Variants in PCDHA7 observed in about 807,000 individuals in gnomAD.
PCDHA7 encodes the protein protocadherin alpha 7, also known as protocadherin alpha-7.
PCDHA7 carries 37 observed loss-of-function variants against 57.2 expected under a neutral mutation model. The observed-to-expected ratio is 0.65, with a 90% CI of 0.50 to 0.85. The LOEUF (loss-of-function observed/expected upper bound fraction) is 0.85. Among genes scored for constraint, PCDHA7 ranks in the 40% least tolerant of loss-of-function variants. The pLI is 0.00. For synonymous variants in PCDHA7, 553 were observed against 558.8 expected, an observed-to-expected ratio of 0.99 and a Z score of 0.15; for missense variants, 1,188 against 1,241.8, an observed-to-expected ratio of 0.96 and a Z score of 0.65.
At position 140,858,233 on chromosome 5, in the gene PCDHA7, G is replaced by T. The variant is rs1014024880; in HGVS notation, c.2355+21495G>T. On this transcript the variant is annotated intron_variant, in intron 1 of 3. Coordinates refer to ENST00000525929, the MANE Select transcript of PCDHA7 (RefSeq NM_018910.3). ...GTGCTCGGCGGCGCCCACCGAGGGCGCATGTGGGCCGGTGAAGCCCACGCT... is the reference window on the plus strand; with the variant it reads ...GTGCTCGGCGGCGCCCACCGAGGGCTCATGTGGGCCGGTGAAGCCCACGCT... The T allele has an allele frequency of 9.4e-6, 15 of 1,596,216 alleles. 1 individual carries two copies. Among genetic ancestry groups the T allele is most frequent in the Non-Finnish European group, 1.1e-5 (13 of 1,166,126 alleles).
Position 140,920,254 on chromosome 5 carries a change from A to G in PCDHA7, c.2356-58695A>G, listed in dbSNP as rs117923328. Reference sequence around the variant, plus strand: ...TATATACCCAACAATACATCGCTATAATAATTATTACTTTATGTAATCTTA... The same window carrying G: ...TATATACCCAACAATACATCGCTATGATAATTATTACTTTATGTAATCTTA... On this transcript the variant is annotated intron_variant, in intron 1 of 3. Transcript: ENST00000525929. Among the ~76,000 whole-genome samples the G allele has an allele frequency of 8.5e-5, 13 of 152,332 alleles. No individual in the cohort carries two copies. In the East Asian group the frequency reaches 2.5e-3, roughly 29 times the overall value.
chr5:140,857,296 G>A, intron 1 of PCDHA7: 1 of 1,598,680 alleles, frequency 6.3e-7, no homozygotes, highest in Non-Finnish European at 8.6e-7. Flanking sequence ...ACCGCGAGAG[G>A]GTGTCGGCCT....
intron 1 of PCDHA7, among the ~76,000 whole-genome samples, chr5:140,943,121 G>A (rs1225385839): frequency 3.3e-5 from 5 of 151,916 alleles, no homozygotes; most frequent in African/African-American, 4.8e-5. Flanking sequence ...AGCCAGGTGT[G>A]GTAGTGGGTG....
intron 1 of PCDHA7, chr5:140,876,221 T>C: frequency 1.2e-6 from 2 of 1,613,988 alleles, no homozygotes; most frequent in Non-Finnish European, 1.7e-6. Context: ...TATAAAGTAG[T>C]GTTGTCTGAA....
At chr5:140,877,082 C>A in intron 1 of PCDHA7, 1 of 1,613,120 alleles carries the variant, frequency 6.2e-7, no homozygotes, top group African/African-American at 1.3e-5. Flanking sequence ...CAGGTGAGCG[C>A]GCGCGACGCC....
chr5:140,869,238 G>A (rs1430399840), intron 1 of PCDHA7: 1 of 1,613,534 alleles, frequency 6.2e-7, no homozygotes, highest in African/African-American at 1.3e-5. Flanking sequence ...GCACCTTCGT[G>A]GGCCGCATCG....
intron 1 of PCDHA7, among the ~76,000 whole-genome samples, chr5:140,904,934 G>A (rs1181903303): frequency 6.6e-6 from 1 of 152,110 alleles, no homozygotes; most frequent in Non-Finnish European, 1.5e-5. Context: ...GTAGGTTCTG[G>A]ATATTAGTCC....
chr5:140,918,403 C>G (rs192008600), intron 1 of PCDHA7, among the ~76,000 whole-genome samples: 1 of 152,278 alleles, frequency 6.6e-6, no homozygotes, highest in African/African-American at 2.4e-5. Flanking sequence ...CCTGATTTCT[C>G]TGGCCAGGAC....
At chr5:140,854,919 A>G (rs1554147504) in intron 1 of PCDHA7, among the ~76,000 whole-genome samples, 1 of 150,004 alleles carries the variant, frequency 6.7e-6, no homozygotes, top group African/African-American at 2.4e-5. Context: ...GGTTGAAAGC[A>G]TTTGCCTCTG....
chr5:140,983,429 T>G (rs2097050099), intron 3 of PCDHA7, among the ~76,000 whole-genome samples: 1 of 152,214 alleles, frequency 6.6e-6, no homozygotes, highest in South Asian at 2.1e-4. Flanking sequence ...AGACCACAAA[T>G]TGTGTCTACT....
Position 140,870,720 on chromosome 5 carries a change from G to A in PCDHA7, c.2355+33982G>A, listed in dbSNP as rs544150374. ...AGTTCCAGGTGAGCGCGCGCGATGC[G>A]GGCGTGCCGCCTCTGAGCAGCAACG... On this transcript the variant is annotated intron_variant, in intron 1 of 3. Coordinates refer to ENST00000525929, the MANE Select transcript of PCDHA7 (RefSeq NM_018910.3). The A allele has an allele frequency of 3.7e-6, 6 of 1,613,204 alleles. No homozygotes were observed. In the East Asian group the frequency reaches 6.7e-5, roughly 18 times the overall value.
At chr5:140,923,616 A>T (rs2081445050) in intron 1 of PCDHA7, among the ~76,000 whole-genome samples, 1 of 152,234 alleles carries the variant, frequency 6.6e-6, no homozygotes, top group African/African-American at 2.4e-5. Flanking sequence ...TTATCTGGTC[A>T]TCTTATCCAA....
intron 1 of PCDHA7, among the ~76,000 whole-genome samples, chr5:140,921,161 T>A (rs201050388): frequency 2.1e-5 from 3 of 141,450 alleles, no homozygotes; most frequent in African/African-American, 5.2e-5. Context: ...ATTTTTTTTT[T>A]AACACACATA....
chr5:140,869,030 T>C (rs1049032233), intron 1 of PCDHA7: 5 of 1,526,396 alleles, frequency 3.3e-6, no homozygotes, highest in Non-Finnish European at 4.4e-6. Flanking sequence ...TTCAACGAGA[T>C]TTTTAACCTG....
intron 1 of PCDHA7, chr5:140,927,252 C>A: frequency 6.2e-7 from 1 of 1,614,134 alleles, no homozygotes; most frequent in Non-Finnish European, 8.5e-7. Flanking sequence ...CCAATGACAA[C>A]TCACCTCTCT....
intron 1 of PCDHA7, among the ~76,000 whole-genome samples, chr5:140,925,606 C>A (rs1554202814): frequency 1.3e-5 from 2 of 150,882 alleles, no homozygotes; most frequent in African/African-American, 4.9e-5. Context: ...TGTAACAAAC[C>A]TGCACGTTGT....
chr5:140,857,393 G>T, intron 1 of PCDHA7: 1 of 1,598,492 alleles, frequency 6.3e-7, no homozygotes, highest in South Asian at 1.1e-5. Context: ...CGACGTGAAC[G>T]ACAACGCGCC....
At chr5:141,002,726 A>C (rs1488452359) in intron 3 of PCDHA7, among the ~76,000 whole-genome samples, 1 of 152,250 alleles carries the variant, frequency 6.6e-6, no homozygotes, top group Non-Finnish European at 1.5e-5. Context: ...GGAAGGGCAC[A>C]GTAAATGTTA....
At chr5:140,850,480 C>G in intron 1 of PCDHA7, 1 of 1,597,900 alleles carries the variant, frequency 6.3e-7, no homozygotes, top group Non-Finnish European at 8.6e-7. Flanking sequence ...CTGACGGCCA[C>G]GGCCACTGTG....
Sources: gnomAD v4.1 joint callset for allele counts (sites outside exome capture counted in the v4.1 genomes callset) on GRCh38, gnomAD v4.1.1 for gene constraint, MANE v1.5 for transcripts, NCBI Gene and HGNC (gene_info 2026-07-23, HGNC 2026-07-21) for gene names.